The following PHLDB2 variants were observed in gnomAD, a reference collection of about 807,000 sequenced individuals.
The protein encoded by PHLDB2 is pleckstrin homology like domain family B member 2.
A neutral mutation model predicts 123.6 loss-of-function variants in PHLDB2; 71 were observed. The observed-to-expected ratio is 0.57, with a 90% confidence interval of 0.47 to 0.70. The LOEUF (loss-of-function observed/expected upper bound fraction) is 0.70. PHLDB2 is among the 30% of genes least tolerant of loss of function. PHLDB2 has a pLI of 0.00. For missense variants in PHLDB2, 1,446 were observed against 1,519.5 expected, an observed-to-expected ratio of 0.95 and a Z score of 0.80; for synonymous variants, 547 against 541.6, an observed-to-expected ratio of 1.01 and a Z score of -0.14.
At chr3:111,774,892 G>A (rs6787278) in intron 1 of PHLDB2, among the ~76,000 whole-genome samples, 40,658 of 151,900 alleles carry the variant, frequency 0.27, 6,890 homozygotes, top group African/African-American at 0.48. Flanking sequence ...AGACAATGTC[G>A]GGGAAACATG....
Position 111,884,239 on chromosome 3 carries a change from C to T in PHLDB2, c.162C>T (p.Asp54=), listed in dbSNP as rs1220170615. ...SSSLRFKANG[D]YSGSYLTLSQ... is the part of the protein sequence containing the mutation. Reference sequence around the variant, plus strand: ...GTCTGAGATTTAAAGCCAATGGAGACTATTCTGGCTCCTATTTAACCCTCT... The same window carrying T: ...GTCTGAGATTTAAAGCCAATGGAGATTATTCTGGCTCCTATTTAACCCTCT... The change falls in exon 2 of 18, where the codon GAC becomes GAT. Residue 54 remains aspartate, a synonymous_variant. Transcript: ENST00000431670. The T allele has an allele frequency of 6.2e-7, 1 of 1,614,040 alleles. No homozygotes were observed. Among genetic ancestry groups the T allele is most frequent in the Non-Finnish European group, 8.5e-7 (1 of 1,180,016 alleles).
Position 111,966,668 on chromosome 3 carries a change from G to A in PHLDB2, c.3133G>A (p.Ala1045Thr). 6.2e-7 allele frequency: 1 copy of A among 1,613,400 alleles called. No individual in the cohort carries two copies. Among genetic ancestry groups the A allele is most frequent in the Non-Finnish European group, 8.5e-7 (1 of 1,179,638 alleles). ...AGAAATGGAGAGACTTTTGAAGCAG[G>A]CTCATGCAGAAAAGACGCGGCTGCT... is the stretch of plus-strand genomic sequence containing the variant. ...IEEMERLLKQAHAEKTRLLES... is the reference protein window; with the variant it reads ...IEEMERLLKQTHAEKTRLLES... The change falls in exon 14 of 18, where the codon GCT becomes ACT. Residue 1045 changes from alanine to threonine, a missense_variant. By Grantham distance (58) the Ala-to-Thr change is moderately conservative (BLOSUM62 0). Coordinates refer to ENST00000431670, the MANE Select transcript of PHLDB2 (RefSeq NM_001134438.2).
intron 1 of PHLDB2, among the ~76,000 whole-genome samples, chr3:111,791,279 ACCC>A (rs2060911094): frequency 6.6e-6 from 1 of 152,162 alleles, no homozygotes; most frequent in African/African-American, 2.4e-5. Flanking sequence ...CCTATACAGG[ACCC>A]CTGTGAGCAG....
intron 3 of PHLDB2, chr3:111,914,263 T>C (rs577324456): frequency 1.3e-4 from 20 of 152,368 alleles, no homozygotes; most frequent in African/African-American, 4.8e-4. Context: ...GTAGCATATA[T>C]ATATTTGCAC....
intron 5 of PHLDB2, among the ~76,000 whole-genome samples, chr3:111,929,239 C>T (rs906695556): frequency 3.3e-5 from 5 of 152,158 alleles, no homozygotes; most frequent in East Asian, 1.9e-4. Flanking sequence ...GCAATCCAGC[C>T]TGGATGACAG....
Position 111,956,850 on chromosome 3 carries a change from T to C in PHLDB2, c.2872+2821T>C, listed in dbSNP as rs546461371. ...TTTAGAATTGTTTGACTAGCACTTG[T>C]TAACTTTATTAAAATAGCAAATACA... On this transcript the variant is annotated intron_variant, in intron 12 of 17. Transcript: ENST00000431670. Among the ~76,000 whole-genome samples, 9 of 152,340 alleles carry C rather than the reference T, an allele frequency of 5.9e-5. No homozygotes were observed. The South Asian group carries it at 1.9e-3, about 32-fold the overall frequency.
chr3:111,846,796 T>C (rs963554045), intron 2 of PHLDB2, among the ~76,000 whole-genome samples: 1 of 152,062 alleles, frequency 6.6e-6, no homozygotes, highest in African/African-American at 2.4e-5. Flanking sequence ...TGCTCTATTG[T>C]GGGGGCTGGC....
chr3:111,748,683 G>A (rs923320702), intron 1 of PHLDB2, among the ~76,000 whole-genome samples: 2 of 151,692 alleles, frequency 1.3e-5, no homozygotes, highest in Admixed American at 6.6e-5. Flanking sequence ...CACCATACCC[G>A]GCTAATTTTT....
At chr3:111,911,272 CAT>C (rs1455185952) in intron 2 of PHLDB2, among the ~76,000 whole-genome samples, 1 of 152,310 alleles carries the variant, frequency 6.6e-6, no homozygotes, top group Admixed American at 6.5e-5. Context: ...CTAATGTATA[CAT>C]GTTATACTAC....
chr3:111,956,129 G>A (rs922864774), intron 12 of PHLDB2, among the ~76,000 whole-genome samples: 2 of 152,174 alleles, frequency 1.3e-5, no homozygotes, highest in African/African-American at 4.8e-5. Flanking sequence ...TGGGAGTCAA[G>A]GCTGTAGTGA....
At chr3:111,811,926 C>A (rs1474672858) in intron 1 of PHLDB2, among the ~76,000 whole-genome samples, 1 of 152,168 alleles carries the variant, frequency 6.6e-6, no homozygotes, top group Admixed American at 6.6e-5. Flanking sequence ...ATATAAGCTG[C>A]TTTCCACCTT....
intron 1 of PHLDB2, among the ~76,000 whole-genome samples, chr3:111,810,380 T>C (rs1278947458): frequency 1.3e-5 from 2 of 152,140 alleles, no homozygotes; most frequent in African/African-American, 4.8e-5. Flanking sequence ...CAGAAGTTTA[T>C]TTCTCACAAT....
intron 1 of PHLDB2, among the ~76,000 whole-genome samples, chr3:111,742,916 G>T (rs1466075612): frequency 6.6e-6 from 1 of 152,176 alleles, no homozygotes; most frequent in Non-Finnish European, 1.5e-5. Flanking sequence ...GTAGTTGACA[G>T]TTCTGCCCAA....
Position 111,884,740 on chromosome 3 carries a change from C to A in PHLDB2, c.663C>A (p.Pro221=), listed in dbSNP as rs1170063873. The part of the protein sequence containing the change: ...MSIQDSLALQ[P]KLTRHKELAS... ...TTCAGGACAGCCTGGCGCTTCAACC[C>A]AAGTTAACTAGACACAAGGAGCTTG... is the stretch of plus-strand genomic sequence containing the variant. The change falls in exon 2 of 18, where the codon CCC becomes CCA. Residue 221 remains proline (P), a synonymous_variant. Transcript: ENST00000431670. 6.2e-7 allele frequency: 1 copy of A among 1,613,986 alleles called. No homozygotes were observed. Among genetic ancestry groups the A allele is most frequent in the African/African-American group, 1.3e-5 (1 of 74,900 alleles).
At chr3:111,936,364 G>A (rs1053879824) in intron 6 of PHLDB2, among the ~76,000 whole-genome samples, 2 of 152,142 alleles carry the variant, frequency 1.3e-5, no homozygotes, top group Non-Finnish European at 2.9e-5. Flanking sequence ...TGAACTTCCT[G>A]TGTATATTAT....
intron 5 of PHLDB2, among the ~76,000 whole-genome samples, chr3:111,925,672 C>T (rs2068772112): frequency 6.6e-6 from 1 of 152,184 alleles, no homozygotes; most frequent in Non-Finnish European, 1.5e-5. Context: ...ACCGCTAGCA[C>T]CATGAAGCCC....
chr3:111,916,784 A>G (rs2068205630), intron 3 of PHLDB2: 1 of 152,146 alleles, frequency 6.6e-6, no homozygotes, highest in African/African-American at 2.4e-5. Context: ...GAAATCTGTG[A>G]AAAAGGGGCA....
At chr3:111,912,192 C>T (rs1371812255) in intron 2 of PHLDB2, among the ~76,000 whole-genome samples, 1 of 152,174 alleles carries the variant, frequency 6.6e-6, no homozygotes, top group African/African-American at 2.4e-5. Flanking sequence ...AGATTTCCTA[C>T]CTCAAGCAAT....
chr3:111,938,125 AG>A (rs2069616738), intron 6 of PHLDB2, among the ~76,000 whole-genome samples: 1 of 152,184 alleles, frequency 6.6e-6, no homozygotes, highest in Non-Finnish European at 1.5e-5. Flanking sequence ...TCCAGTAAAA[AG>A]GTGTGTACAT....
Sources: allele counts gnomAD v4.1 joint callset (sites outside exome capture counted in the v4.1 genomes callset), GRCh38; gene constraint gnomAD v4.1.1; transcripts MANE v1.5; gene names NCBI Gene and HGNC (gene_info 2026-07-23, HGNC 2026-07-21).